PTPRC: variants seen among roughly 807,000 people sequenced by gnomAD.
PTPRC encodes the protein receptor-type tyrosine-protein phosphatase C.
Under a neutral mutation model 155.9 loss-of-function variants are expected in PTPRC, and 44 were observed. The ratio of observed to expected loss-of-function variants is 0.28; its 90% confidence interval spans 0.22 to 0.36. The LOEUF (loss-of-function observed/expected upper bound fraction) is 0.36, where lower values mean the gene tolerates loss of function less well. Ranked by LOEUF, PTPRC falls within the 10% of genes least tolerant of loss-of-function variation. The pLI is 1.00. For synonymous variants in PTPRC, 525 were observed against 533.1 expected (o/e 0.98, Z 0.21); for missense variants, 1,401 against 1,564.6 (o/e 0.90, Z 1.76).
chr1:198,726,866 C>CTTT lies in PTPRC; in HGVS notation c.1721-1463_1721-1461dup, dbSNP rs575567355. ...TTTCTTTTTTCTTTTCTTTTCTTTC[C>CTTT]TTTTTTTTTTTTTCTTGACAGAGTC... On this transcript the variant is annotated intron_variant, in intron 15 of 32. Coordinates refer to ENST00000442510, the MANE Select transcript of PTPRC (RefSeq NM_002838.5). Among the ~76,000 whole-genome samples the CTTT allele has an allele frequency of 1.2e-3, 166 of 138,096 alleles. 2 individuals carry two copies. The East Asian group carries it at 0.027, about 22-fold the overall frequency. The allele number at this position is 138,096 out of a possible 152,430, so 90.6% of individuals were successfully genotyped here. A position where few individuals can be genotyped will look rare whatever the true frequency, so the allele number is the denominator to read the frequency against.
rs780004081 is a variant in PTPRC at position 198,722,528 on chromosome 1, T to G, written c.1720+52T>G. On this transcript the variant is annotated intron_variant, in intron 15 of 32. Coordinates refer to ENST00000442510, the MANE Select transcript of PTPRC (RefSeq NM_002838.5). Reference sequence around the variant, plus strand: ...TATATATTAAGATATATATTAATGCTTATAAAGCTATATTATTTTACACTT... The same window carrying G: ...TATATATTAAGATATATATTAATGCGTATAAAGCTATATTATTTTACACTT... 44 of 1,034,890 alleles carry G rather than the reference T, an allele frequency of 4.3e-5. 1 individual carries two copies. Among genetic ancestry groups the G allele is most frequent in the Non-Finnish European group, 5.2e-5 (40 of 776,266 alleles). The allele number at this position is 1,034,890 out of a possible 1,614,324, so 64.1% of individuals were successfully genotyped here.
intron 4 of PTPRC, 44 bp from the exon 5 acceptor site, chr1:198,699,520 C>G: frequency 6.2e-7 from 1 of 1,611,774 alleles, no homozygotes; most frequent in Non-Finnish European, 8.5e-7. Flanking sequence ...TATTCATCTC[C>G]AGTGGGGGAA....
At chr1:198,727,744 C>A (rs947009770) in intron 15 of PTPRC, among the ~76,000 whole-genome samples, 2 of 152,134 alleles carry the variant, frequency 1.3e-5, no homozygotes, top group East Asian at 3.9e-4. Flanking sequence ...CACACCCTCT[C>A]TTCTATGCCC....
At position 198,732,603 on chromosome 1, in the gene PTPRC, C is replaced by G. The variant is rs746077930; in HGVS notation, c.2142+47C>G. 3.6e-6 allele frequency: 5 copies of G among 1,398,380 alleles called. No homozygotes were observed. In the South Asian group the frequency reaches 6.0e-5, roughly 17 times the overall value. 86.6% of individuals were successfully genotyped at this position (1,398,380 alleles called of 1,614,324 possible). ...TCTTATACCTACATATTTCATTCAG[C>G]TCCTTGTTTGTCTTGGTAAAATTTT... On this transcript the variant is annotated intron_variant, in intron 20 of 32. Transcript: ENST00000442510.
At chr1:198,720,797 CA>C (rs921326749) in intron 14 of PTPRC, among the ~76,000 whole-genome samples, 2 of 151,978 alleles carry the variant, frequency 1.3e-5, no homozygotes, top group African/African-American at 4.8e-5. Context: ...TATATTTTTT[CA>C]AAGAATAGTC....
chr1:198,666,717 G>A (rs1268997518), intron 2 of PTPRC, among the ~76,000 whole-genome samples: 2 of 152,050 alleles, frequency 1.3e-5, no homozygotes, highest in Non-Finnish European at 1.5e-5. Flanking sequence ...CTCCTTTCAA[G>A]GTAGACTATG....
intron 2 of PTPRC, among the ~76,000 whole-genome samples, chr1:198,649,612 A>G (rs1029202080): frequency 3.3e-5 from 5 of 151,830 alleles, no homozygotes; most frequent in Admixed American, 3.3e-4. Context: ...GAGACTTCCA[A>G]TGATGAAAAA....
chr1:198,651,653 A>T (rs183435521), intron 2 of PTPRC, among the ~76,000 whole-genome samples: 2 of 151,974 alleles, frequency 1.3e-5, no homozygotes, highest in African/African-American at 4.8e-5. Context: ...TATAAATGTT[A>T]TCTCATTTAA....
rs2102546780 is a variant in PTPRC at position 198,752,238 on chromosome 1, C to A, written c.3208-11C>A. ...AGGAAACAAATTGTTGAATTGTCTT[C>A]TTTTATCTAGGAAATCTGTGCTCAG... is the stretch of plus-strand genomic sequence containing the variant. On this transcript the variant is annotated splice_polypyrimidine_tract_variant and intron_variant, in intron 29 of 32. Coordinates refer to ENST00000442510, the MANE Select transcript of PTPRC (RefSeq NM_002838.5). The A allele has an allele frequency of 6.2e-7, 1 of 1,609,890 alleles. No individual in the cohort carries two copies. Among genetic ancestry groups the A allele is most frequent in the Non-Finnish European group, 8.5e-7 (1 of 1,176,752 alleles).
intron 8 of PTPRC, among the ~76,000 whole-genome samples, chr1:198,705,189 AT>A (rs777530973): frequency 1.1e-4 from 17 of 150,478 alleles, no homozygotes; most frequent in Non-Finnish European, 2.4e-4. Context: ...GTCAGGGCTT[AT>A]TCCTCCATTC....
At chr1:198,666,109 T>G (rs966862432) in intron 2 of PTPRC, among the ~76,000 whole-genome samples, 1 of 151,864 alleles carries the variant, frequency 6.6e-6, no homozygotes, top group Non-Finnish European at 1.5e-5. Context: ...GTATAGTGCC[T>G]GTGGTCCCAG....
chr1:198,692,624 C>T, intron 3 of PTPRC: 1 of 995,758 alleles, frequency 1.0e-6, no homozygotes, highest in Non-Finnish European at 1.2e-6. Flanking sequence ...CCAAACTTGA[C>T]AGTAAATCAC....
At chr1:198,640,365 CT>C (rs1662510206) in intron 2 of PTPRC, among the ~76,000 whole-genome samples, 1 of 151,822 alleles carries the variant, frequency 6.6e-6, no homozygotes, top group African/African-American at 2.4e-5. Flanking sequence ...CTTTTTTTGA[CT>C]TTTACCGTTC....
At chr1:198,642,957 T>C (rs1174908070) in intron 2 of PTPRC, among the ~76,000 whole-genome samples, 1 of 150,386 alleles carries the variant, frequency 6.6e-6, no homozygotes, top group Non-Finnish European at 1.5e-5. Flanking sequence ...TCTTTCTTTC[T>C]TTCTTTCTTT....
chr1:198,642,927 T>C (rs572123372), intron 2 of PTPRC, among the ~76,000 whole-genome samples: 2 of 148,076 alleles, frequency 1.4e-5, no homozygotes, highest in Admixed American at 6.8e-5. Context: ...TTTCTTTCTT[T>C]CTTTCTTTCT....
chr1:198,659,251 A>G (rs1325064827), intron 2 of PTPRC, among the ~76,000 whole-genome samples: 1 of 152,184 alleles, frequency 6.6e-6, no homozygotes, highest in African/African-American at 2.4e-5. Context: ...TGTCACCACT[A>G]GACACATACT....
Position 198,734,245 on chromosome 1 carries a change from A to C in PTPRC, c.2179+13A>C. 6.2e-7 allele frequency: 1 copy of C among 1,610,752 alleles called. No homozygotes were observed. Among genetic ancestry groups the C allele is most frequent in the African/African-American group, 1.3e-5 (1 of 74,864 alleles). ...ATTGCTGCACAAGGTAATTTCTTTG[A>C]TAATCCAATATTCTTTTTGAAAAAT... On this transcript the variant is annotated intron_variant, in intron 21 of 32. Coordinates refer to ENST00000442510, the MANE Select transcript of PTPRC (RefSeq NM_002838.5).
In PTPRC at chr1:198,675,311, C is replaced by T. The variant is rs1664890326; in HGVS notation, c.74-17036C>T. ...ATAGTTTGTTGAGGGAGGTAATAGA[C>T]AATAAAATGTATTTATTATAGAAAA... is the stretch of plus-strand genomic sequence containing the variant. On this transcript the variant is annotated intron_variant, in intron 2 of 32. Transcript: ENST00000442510. Among the ~76,000 whole-genome samples, 3 of 152,014 alleles carry T rather than the reference C, an allele frequency of 2.0e-5. No homozygotes were observed. The South Asian group carries it at 6.2e-4, about 31-fold the overall frequency.
At chr1:198,739,944 GT>G (rs1298562559) in intron 23 of PTPRC, among the ~76,000 whole-genome samples, 6 of 151,796 alleles carry the variant, frequency 4.0e-5, no homozygotes, top group Non-Finnish European at 7.4e-5. Context: ...CTCATGGAGA[GT>G]GAACAATATA....
Sources: allele counts gnomAD v4.1 joint callset (sites outside exome capture counted in the v4.1 genomes callset), GRCh38; gene constraint gnomAD v4.1.1; transcripts MANE v1.5; gene names NCBI Gene and HGNC (gene_info 2026-07-23, HGNC 2026-07-21).